ZC3H3: variants seen among roughly 807,000 people sequenced by gnomAD.
ZC3H3 encodes zinc finger CCCH domain-containing protein 3.
A neutral mutation model predicts 77.3 loss-of-function variants in ZC3H3; 36 were observed. The observed-to-expected ratio is 0.47, with a 90% CI of 0.36 to 0.61. The LOEUF (loss-of-function observed/expected upper bound fraction) is 0.61. Ranked by LOEUF, ZC3H3 falls within the 20% of genes least tolerant of loss-of-function variation. The pLI is 0.00. For missense variants in ZC3H3, 1,331 were observed against 1,312.2 expected (o/e 1.01, Z -0.22); for synonymous variants, 626 against 555.2 (o/e 1.13, Z -1.79).
intron 3 of ZC3H3, among the ~76,000 whole-genome samples, chr8:143,515,151 G>A (rs1207074569): frequency 2.6e-5 from 4 of 152,184 alleles, no homozygotes; most frequent in Non-Finnish European, 4.4e-5. Context: ...TGGGGCTCCC[G>A]CCTCGCTCCC....
intron 3 of ZC3H3, among the ~76,000 whole-genome samples, chr8:143,521,125 T>A (rs1822229158): frequency 6.7e-6 from 1 of 149,634 alleles, no homozygotes; most frequent in East Asian, 2.0e-4. Context: ...GCCCAGAGGG[T>A]TCTCAACAAG....
At chr8:143,455,287 C>G (rs866652453) in intron 9 of ZC3H3, among the ~76,000 whole-genome samples, 1 of 152,034 alleles carries the variant, frequency 6.6e-6, no homozygotes, top group Middle Eastern at 3.4e-3. Flanking sequence ...GCACTCCAGC[C>G]TAGGTGACAG....
At chr8:143,540,084 G>A (rs1253868424) in intron 1 of ZC3H3, among the ~76,000 whole-genome samples, 1 of 152,276 alleles carries the variant, frequency 6.6e-6, no homozygotes, top group African/African-American at 2.4e-5. Context: ...CCCCAGAGCA[G>A]GTGTGATGGG....
At position 143,507,789 on chromosome 8, in the gene ZC3H3, G is replaced by A. The variant is rs751428736; in HGVS notation, c.1672C>T (p.Leu558=). 19 of 1,602,702 alleles carry A rather than the reference G, an allele frequency of 1.2e-5. No individual in the cohort carries two copies. The African/African-American group carries it at 2.4e-4, about 20-fold the overall frequency. The part of the protein sequence containing the change: ...ASPLSAPPFP[L]SLPSWRARRL... Reference sequence around the variant, plus strand: ...CGGGCCCGCCAGGAGGGCAGAGACAGGGGGAAGGGCGGGGCGCTGAGAGGC... The same window carrying A: ...CGGGCCCGCCAGGAGGGCAGAGACAAGGGGAAGGGCGGGGCGCTGAGAGGC... Residue 558 remains leucine, a synonymous_variant, in exon 4 of 12, where the codon CTG becomes TTG. Coordinates refer to ENST00000262577, the MANE Select transcript of ZC3H3 (RefSeq NM_015117.3).
At chr8:143,452,640 A>G (rs1820018433) in intron 9 of ZC3H3, among the ~76,000 whole-genome samples, 1 of 151,420 alleles carries the variant, frequency 6.6e-6, no homozygotes, top group Non-Finnish European at 1.5e-5. Context: ...AAAAGAAGAT[A>G]CAGTAGAACC....
In ZC3H3 at chr8:143,533,865, G is replaced by A. The variant is rs186132560; in HGVS notation, c.1561+2392C>T. Among the ~76,000 whole-genome samples, 104 of 152,126 alleles carry A rather than the reference G, an allele frequency of 6.8e-4. No individual in the cohort carries two copies. Among genetic ancestry groups the A allele is most frequent in the Admixed American group, 9.2e-4 (14 of 15,278 alleles). On this transcript the variant is annotated intron_variant, in intron 3 of 11. Coordinates refer to ENST00000262577, the MANE Select transcript of ZC3H3 (RefSeq NM_015117.3). This position sits in a 1 kb window ranked among gnomAD's most constrained non-coding sequence, Gnocchi z 4.0. The stretch of plus-strand genomic sequence containing the variant: ...TAATTTTTGTATTTTTAGTAGAGAC[G>A]GGGTTTTGCCATGTTGCCAAGGCTG...
intron 4 of ZC3H3, among the ~76,000 whole-genome samples, chr8:143,483,584 C>A (rs560584416): frequency 1.3e-5 from 2 of 152,286 alleles, no homozygotes; most frequent in East Asian, 3.9e-4. Flanking sequence ...AGTGGGGGTG[C>A]TAGGCGGGCT....
chr8:143,540,386 C>T (rs2130531913), intron 1 of ZC3H3, among the ~76,000 whole-genome samples: 1 of 152,248 alleles, frequency 6.6e-6, no homozygotes, highest in African/African-American at 2.4e-5. Context: ...GCCACCACGC[C>T]CATCTCACTT....
intron 3 of ZC3H3, among the ~76,000 whole-genome samples, chr8:143,513,434 C>G (rs1212881975): frequency 2.0e-5 from 3 of 152,192 alleles, no homozygotes; most frequent in Non-Finnish European, 4.4e-5. Context: ...CCCACCAAGG[C>G]TGCTGCACAC....
At chr8:143,456,873 AAACAAC>A (rs924400039) in intron 9 of ZC3H3, among the ~76,000 whole-genome samples, 2 of 152,252 alleles carry the variant, frequency 1.3e-5, no homozygotes, top group South Asian at 4.1e-4. Context: ...GTCTCTAAAC[AAACAAC>A]AACAACAACA....
At position 143,462,505 on chromosome 8, in the gene ZC3H3, C is replaced by T. The variant is rs924902034; in HGVS notation, c.2307+3212G>A. ...TGTATGTGAACAAAACCAAGACAGG[C>T]GCTGTCCAGAGGACACAGGAGCCCT... On this transcript the variant is annotated intron_variant, in intron 9 of 11. Transcript: ENST00000262577. The surrounding 1 kb of genome is among the most constrained non-coding windows in gnomAD (Gnocchi z 4.7). Among the ~76,000 whole-genome samples the T allele has an allele frequency of 2.6e-5, 4 of 152,342 alleles. No homozygotes were observed. In the South Asian group the frequency reaches 6.2e-4, roughly 24 times the overall value.
intron 4 of ZC3H3, among the ~76,000 whole-genome samples, chr8:143,503,820 GCCT>G (rs1821606589): frequency 6.6e-6 from 1 of 151,590 alleles, no homozygotes; most frequent in Admixed American, 6.6e-5. Flanking sequence ...GCTCCCCACC[GCCT>G]CCTCCATGTT....
intron 4 of ZC3H3, among the ~76,000 whole-genome samples, chr8:143,481,061 T>G (rs1227539419): frequency 6.6e-6 from 1 of 152,194 alleles, no homozygotes; most frequent in East Asian, 1.9e-4. Flanking sequence ...AGACACATGC[T>G]GCCCAGGACA....
intron 4 of ZC3H3, among the ~76,000 whole-genome samples, chr8:143,490,528 G>C (rs1821172448): frequency 1.3e-5 from 2 of 152,266 alleles, no homozygotes; most frequent in African/African-American, 2.4e-5. Flanking sequence ...TGCCACCCTT[G>C]TCCATCTGCC....
At position 143,443,010 on chromosome 8, in the gene ZC3H3, C is replaced by T. The variant is rs143872276; in HGVS notation, c.2308-1890G>A. Among the ~76,000 whole-genome samples the T allele has an allele frequency of 9.2e-5, 14 of 152,280 alleles. No individual in the cohort carries two copies. In the East Asian group the frequency reaches 2.1e-3, roughly 23 times the overall value. On this transcript the variant is annotated intron_variant, in intron 9 of 11. Coordinates refer to ENST00000262577, the MANE Select transcript of ZC3H3 (RefSeq NM_015117.3). ...TTCTGAGGCCCTGCACAGTGGCTCA[C>T]GCCGGTAATTCCAGCACTTTGGGAG... is the stretch of plus-strand genomic sequence containing the variant.
At chr8:143,527,152 C>T (rs548617736) in intron 3 of ZC3H3, among the ~76,000 whole-genome samples, 2 of 152,346 alleles carry the variant, frequency 1.3e-5, no homozygotes, top group Admixed American at 6.5e-5. Context: ...CTGTGTCCTG[C>T]ACCCCAACAC....
At chr8:143,500,330 C>T (rs78048631) in intron 4 of ZC3H3, among the ~76,000 whole-genome samples, 2,692 of 152,294 alleles carry the variant, frequency 0.018, 78 homozygotes, top group African/African-American at 0.061. Flanking sequence ...CCATCCAGTG[C>T]CGGGCACTCA....
Position 143,516,142 on chromosome 8 carries a change from G to A in ZC3H3, c.1562-8243C>T, listed in dbSNP as rs1467889583. Among the ~76,000 whole-genome samples the A allele has an allele frequency of 2.6e-5, 4 of 152,346 alleles. No individual in the cohort carries two copies. In the East Asian group the frequency reaches 7.7e-4, roughly 29 times the overall value. The stretch of plus-strand genomic sequence containing the variant: ...GCAGGGGGCGGCTGGTGAGTGCCCC[G>A]CCCCTACGCTGGCGCGGCAGGAGCT... On this transcript the variant is annotated intron_variant, in intron 3 of 11. Coordinates refer to ENST00000262577, the MANE Select transcript of ZC3H3 (RefSeq NM_015117.3).
chr8:143,522,668 C>T (rs1017842236), intron 3 of ZC3H3, among the ~76,000 whole-genome samples: 1 of 152,122 alleles, frequency 6.6e-6, no homozygotes, highest in African/African-American at 2.4e-5. Flanking sequence ...CCTGGAATCC[C>T]AGCACTTTGG....
Sources: gnomAD v4.1 joint callset for allele counts (sites outside exome capture counted in the v4.1 genomes callset) on GRCh38, gnomAD v4.1.1 for gene constraint, Gnocchi (gnomAD v3.1) non-coding constraint, MANE v1.5 for transcripts, NCBI Gene and HGNC (gene_info 2026-07-23, HGNC 2026-07-21) for gene names.